TMPRSS15: variants seen among roughly 807,000 people sequenced by gnomAD.
TMPRSS15 encodes transmembrane serine protease 15, also known as enteropeptidase.
A neutral mutation model predicts 125.3 loss-of-function variants in TMPRSS15; 128 were observed. That is an observed-to-expected ratio of 1.02 (90% CI 0.89 to 1.18). TMPRSS15 has a LOEUF of 1.18. Ranked by LOEUF, TMPRSS15 falls within the 50% of genes most tolerant of loss-of-function variation. The pLI is 0.00. For missense variants in TMPRSS15, 1,283 were observed against 1,212.7 expected (o/e 1.06, Z -0.86); for synonymous variants, 446 against 423.2 (o/e 1.05, Z -0.66).
At chr21:18,271,687 T>G (rs1219418711) in intron 24 of TMPRSS15, among the ~76,000 whole-genome samples, 1 of 152,126 alleles carries the variant, frequency 6.6e-6, no homozygotes, top group Non-Finnish European at 1.5e-5. Context: ...GCCATGGTGC[T>G]TTGCTGAACC....
chr21:18,291,696 A>G (rs557098921), intron 21 of TMPRSS15, among the ~76,000 whole-genome samples: 47 of 152,350 alleles, frequency 3.1e-4, no homozygotes, highest in African/African-American at 1.1e-3. Flanking sequence ...ACAATATCAG[A>G]AACTTTCTTT....
chr21:18,396,792 A>AAAAATCTGTCTGTCTGTCTGTCTG (rs1408156983), intron 3 of TMPRSS15, among the ~76,000 whole-genome samples: 31 of 112,790 alleles, frequency 2.7e-4, no homozygotes, highest in East Asian at 7.6e-4. Flanking sequence ...AAAAAAAAAA[A>AAAAATCTGTCTGTCTGTCTGTCTG]TCTGTCTGTC....
At chr21:18,445,145 C>G (rs968198402) in intron 1 of TMPRSS15, among the ~76,000 whole-genome samples, 1 of 151,544 alleles carries the variant, frequency 6.6e-6, no homozygotes, top group East Asian at 1.9e-4. Flanking sequence ...GGCTAGTACT[C>G]CATTGTATAT....
intron 12 of TMPRSS15, 22 bp downstream of exon 12, chr21:18,343,484 A>G (rs777549898): frequency 3.2e-6 from 5 of 1,565,178 alleles, no homozygotes; most frequent in Non-Finnish European, 3.5e-6. Context: ...TACAAATATA[A>G]ATAATAAAGT....
At chr21:18,290,419 G>A (rs1035097079) in intron 21 of TMPRSS15, among the ~76,000 whole-genome samples, 2 of 151,428 alleles carry the variant, frequency 1.3e-5, no homozygotes, top group Non-Finnish European at 2.9e-5. Context: ...GATTAACCTG[G>A]AACATCTTAT....
chr21:18,406,819 A>T (rs895462448), upstream of TMPRSS15, among the ~76,000 whole-genome samples: 1 of 152,188 alleles, frequency 6.6e-6, no homozygotes, highest in Admixed American at 6.6e-5. Context: ...AGACAATGAG[A>T]TAACATTCAT....
intron 7 of TMPRSS15, among the ~76,000 whole-genome samples, chr21:18,361,785 G>A (rs1254107733): frequency 6.6e-6 from 1 of 152,056 alleles, no homozygotes; most frequent in Non-Finnish European, 1.5e-5. Context: ...GCAGCTACTA[G>A]CAGGGCAGCA....
In TMPRSS15 at chr21:18,349,677, G is replaced by C. The variant is rs1047691227; in HGVS notation, c.1171+3226C>G. 3.3e-5 allele frequency among the ~76,000 whole-genome samples: 5 copies of C among 152,230 alleles called. No homozygotes were observed. In the South Asian group the frequency reaches 1.0e-3, roughly 32 times the overall value. On this transcript the variant is annotated intron_variant, in intron 10 of 24. Coordinates refer to ENST00000284885, the MANE Select transcript of TMPRSS15 (RefSeq NM_002772.3). The stretch of plus-strand genomic sequence containing the variant: ...TATGAAATCACAGGTATGGGAGTTG[G>C]AGAGGACCTATTAAATCCTATCATC...
intron 22 of TMPRSS15, among the ~76,000 whole-genome samples, chr21:18,280,597 AAC>A: frequency 3.2e-5 from 4 of 124,028 alleles, no homozygotes; most frequent in East Asian, 2.1e-4. Context: ...AAAAAAAAAC[AAC>A]AAAACAACAA....
At chr21:18,483,032 T>C (rs1471970775) in intron 1 of TMPRSS15, among the ~76,000 whole-genome samples, 1 of 151,746 alleles carries the variant, frequency 6.6e-6, no homozygotes, top group Admixed American at 6.6e-5. Flanking sequence ...CAAACAGCTG[T>C]GATTAGTGGA....
intron 1 of TMPRSS15, among the ~76,000 whole-genome samples, chr21:18,412,420 A>T (rs1283128741): frequency 6.6e-6 from 1 of 152,240 alleles, no homozygotes; most frequent in Non-Finnish European, 1.5e-5. Flanking sequence ...GCGAAAGAAT[A>T]AAAATAAAAT....
intron 16 of TMPRSS15, among the ~76,000 whole-genome samples, chr21:18,319,628 A>T (rs1342439280): frequency 1.3e-5 from 2 of 151,932 alleles, no homozygotes; most frequent in Admixed American, 1.3e-4. Context: ...GGGTTTTCTC[A>T]ATGTTGGTCA....
chr21:18,443,544 G>A (rs1195033145), intron 1 of TMPRSS15, among the ~76,000 whole-genome samples: 2 of 152,182 alleles, frequency 1.3e-5, no homozygotes, highest in Non-Finnish European at 2.9e-5. Flanking sequence ...ATATTGCCGG[G>A]ACAACTCTTG....
intron 16 of TMPRSS15, among the ~76,000 whole-genome samples, chr21:18,324,197 G>T (rs1267099712): frequency 6.6e-6 from 1 of 151,708 alleles, no homozygotes; most frequent in South Asian, 2.1e-4. Flanking sequence ...TATTAGTTTT[G>T]ATCTGCTTTT....
chr21:18,396,285 T>C (rs909214648), intron 3 of TMPRSS15, among the ~76,000 whole-genome samples: 2 of 152,204 alleles, frequency 1.3e-5, no homozygotes, highest in Admixed American at 6.5e-5. Context: ...CTGTGGGCTC[T>C]GCTACTCTAA....
intron 1 of TMPRSS15, among the ~76,000 whole-genome samples, chr21:18,448,007 T>C (rs2076259226): frequency 6.6e-6 from 1 of 152,140 alleles, no homozygotes; most frequent in Non-Finnish European, 1.5e-5. Context: ...TCTTATACAC[T>C]CTTGGTGAGA....
intron 1 of TMPRSS15, among the ~76,000 whole-genome samples, chr21:18,475,942 G>A (rs932883706): frequency 3.9e-5 from 6 of 152,042 alleles, no homozygotes; most frequent in African/African-American, 1.4e-4. Flanking sequence ...TTAAATGTAA[G>A]ATTTAATTTT....
chr21:18,393,571 A>T (rs2824798), intron 3 of TMPRSS15, among the ~76,000 whole-genome samples: 1 of 151,952 alleles, frequency 6.6e-6, no homozygotes, highest in Non-Finnish European at 1.5e-5. Flanking sequence ...TAGACTACAC[A>T]AGAAAAGAAA....
At chr21:18,341,741 C>A (rs1202393832) in intron 12 of TMPRSS15, among the ~76,000 whole-genome samples, 193 bp from the exon 13 acceptor site, 1 of 152,068 alleles carries the variant, frequency 6.6e-6, no homozygotes, top group African/African-American at 2.4e-5. Context: ...TGAACCCAAC[C>A]CCCTTATTAT....
Sources: gnomAD v4.1 joint callset for allele counts (sites outside exome capture counted in the v4.1 genomes callset) on GRCh38, gnomAD v4.1.1 for gene constraint, MANE v1.5 for transcripts, NCBI Gene and HGNC (gene_info 2026-07-23, HGNC 2026-07-21) for gene names.